RSRC1: variants seen among roughly 807,000 people sequenced by gnomAD.
The protein encoded by RSRC1 is arginine and serine rich coiled-coil 1, also known as serine/Arginine-related protein 53.
A neutral mutation model predicts 49.1 loss-of-function variants in RSRC1; 39 were observed. The ratio of observed to expected loss-of-function variants is 0.79; its 90% confidence interval spans 0.61 to 1.04. The LOEUF (loss-of-function observed/expected upper bound fraction) is 1.04, where lower values mean the gene tolerates loss of function less well. RSRC1 is among the 50% of genes least tolerant of loss of function. The pLI, the probability that RSRC1 is intolerant of heterozygous loss-of-function variation, is 0.00. For synonymous variants in RSRC1, 143 were observed against 130.8 expected (o/e 1.09, Z -0.63); for missense variants, 388 against 402.4 (o/e 0.96, Z 0.31).
chr3:158,373,708 T>A (rs1454460275), intron 6 of RSRC1, among the ~76,000 whole-genome samples: 1 of 152,006 alleles, frequency 6.6e-6, no homozygotes, highest in Non-Finnish European at 1.5e-5. Flanking sequence ...CTATACATAA[T>A]TCCTTACAGG....
intron 4 of RSRC1, among the ~76,000 whole-genome samples, chr3:158,207,274 T>A (rs1721393020): frequency 6.6e-6 from 1 of 152,224 alleles, no homozygotes; most frequent in South Asian, 2.1e-4. Context: ...TGTTTTTCCC[T>A]GATCAGCCCA....
intron 6 of RSRC1, among the ~76,000 whole-genome samples, chr3:158,358,731 C>T (rs1578383464): frequency 6.6e-6 from 1 of 152,134 alleles, no homozygotes; most frequent in Non-Finnish European, 1.5e-5. Flanking sequence ...CAGAGTGAAA[C>T]CGCTTACCTA....
rs1162751575 is a variant in RSRC1, at chr3:158,544,548, CA to C, written c.*274del. 4.4e-6 allele frequency: 1 copy of C among 225,758 alleles called. No homozygotes were observed. Among genetic ancestry groups the C allele is most frequent in the African/African-American group, 2.3e-5 (1 of 43,716 alleles). The allele number at this position is 225,758 out of a possible 1,614,324, so 14.0% of individuals were successfully genotyped here. Reference sequence around the variant, plus strand: ...TAAGTCTGTTAAAATGAATGGTAGACACTAGTGTTTCTTAGTGCAATTCAAA... The same window carrying C: ...TAAGTCTGTTAAAATGAATGGTAGACCTAGTGTTTCTTAGTGCAATTCAAA... On this transcript the variant is annotated 3_prime_UTR_variant, in exon 10 of 10. Coordinates refer to ENST00000611884, the MANE Select transcript of RSRC1 (RefSeq NM_001271838.2).
At chr3:158,227,321 C>T (rs1162910088) in intron 4 of RSRC1, among the ~76,000 whole-genome samples, 2 of 151,876 alleles carry the variant, frequency 1.3e-5, no homozygotes, top group African/African-American at 4.8e-5. Context: ...CAAGATTAGA[C>T]GAGTGGTTTT....
chr3:158,338,945 G>C (rs1024209121), intron 5 of RSRC1, among the ~76,000 whole-genome samples: 1 of 152,146 alleles, frequency 6.6e-6, no homozygotes, highest in African/African-American at 2.4e-5. Flanking sequence ...TGTTTAGCAT[G>C]GGATCTCGAA....
chr3:158,544,027 AATAG>A (rs1342559632), intron 9 of RSRC1, among the ~76,000 whole-genome samples, 152 bp from the exon 10 acceptor site: 1 of 152,226 alleles, frequency 6.6e-6, no homozygotes, highest in African/African-American at 2.4e-5. Flanking sequence ...ACTAATTCCA[AATAG>A]ATAGTCATCA....
chr3:158,347,310 G>A (rs1241166562), intron 5 of RSRC1, among the ~76,000 whole-genome samples: 4 of 151,956 alleles, frequency 2.6e-5, no homozygotes, highest in East Asian at 1.9e-4. Context: ...AATAAATTTC[G>A]GTTGATTGAA....
intron 6 of RSRC1, among the ~76,000 whole-genome samples, chr3:158,370,976 G>C (rs1732039928): frequency 6.6e-6 from 1 of 151,630 alleles, no homozygotes; most frequent in Admixed American, 6.6e-5. Context: ...TTTAATTTTT[G>C]CCATTTTATT....
chr3:158,229,856 T>C lies in RSRC1; in HGVS notation c.494+26611T>C, dbSNP rs867512786. Among the ~76,000 whole-genome samples, 3 of 152,046 alleles carry C rather than the reference T, an allele frequency of 2.0e-5. No individual in the cohort carries two copies. The South Asian group carries it at 6.2e-4, about 31-fold the overall frequency. ...GGCACCAGTCTCTTTAGCCCTAATA[T>C]TTCTGTGTAAGAATTTTTTACATAG... On this transcript the variant is annotated intron_variant, in intron 4 of 9. Coordinates refer to ENST00000611884, the MANE Select transcript of RSRC1 (RefSeq NM_001271838.2).
intron 6 of RSRC1, among the ~76,000 whole-genome samples, chr3:158,452,365 C>G (rs1319202787): frequency 2.6e-5 from 4 of 152,116 alleles, no homozygotes; most frequent in Admixed American, 6.6e-5. Context: ...ATCTTTTTTA[C>G]TCACACTGAT....
At chr3:158,246,988 A>T (rs1723937321) in intron 4 of RSRC1, among the ~76,000 whole-genome samples, 2 of 151,432 alleles carry the variant, frequency 1.3e-5, no homozygotes, top group East Asian at 2.0e-4. Context: ...AACTTGTTCC[A>T]TTCTCTCCCT....
intron 7 of RSRC1, among the ~76,000 whole-genome samples, chr3:158,478,212 A>G (rs994080718): frequency 3.3e-5 from 5 of 151,440 alleles, no homozygotes; most frequent in Non-Finnish European, 7.4e-5. Flanking sequence ...ATCATTTTAC[A>G]CTGTTAGACC....
chr3:158,347,205 A>G (rs1428491088), intron 5 of RSRC1, among the ~76,000 whole-genome samples: 1 of 152,182 alleles, frequency 6.6e-6, no homozygotes, highest in Non-Finnish European at 1.5e-5. Flanking sequence ...CCTTGAAGTC[A>G]GGAACTATAT....
At chr3:158,111,178 G>A (rs956683014) in intron 1 of RSRC1, among the ~76,000 whole-genome samples, 4 of 152,220 alleles carry the variant, frequency 2.6e-5, no homozygotes, top group Non-Finnish European at 5.9e-5. Context: ...TTTGGAGCAG[G>A]TGTGACAGTT....
chr3:158,209,495 A>G, intron 4 of RSRC1, among the ~76,000 whole-genome samples: 1 of 152,090 alleles, frequency 6.6e-6, no homozygotes, highest in South Asian at 2.1e-4. Context: ...ATGCACCAAG[A>G]CACCTACTAA....
intron 7 of RSRC1, among the ~76,000 whole-genome samples, chr3:158,509,630 A>G (rs1000090695): frequency 2.0e-5 from 3 of 152,212 alleles, no homozygotes. Flanking sequence ...ACAAGATATT[A>G]TATTAATATT....
intron 7 of RSRC1, among the ~76,000 whole-genome samples, chr3:158,499,262 A>C (rs375030753): frequency 2.6e-5 from 4 of 152,190 alleles, no homozygotes. Flanking sequence ...CTGTAATCCC[A>C]GCTACTCGGG....
intron 6 of RSRC1, among the ~76,000 whole-genome samples, chr3:158,453,207 C>CACACATTTTCAAACTCT (rs1737139392): frequency 2.3e-5 from 3 of 128,978 alleles, no homozygotes; most frequent in Admixed American, 2.1e-4. Context: ...TTTCAAACTC[C>CACACATTTTCAAACTCT]TGTGCACACA....
intron 6 of RSRC1, among the ~76,000 whole-genome samples, chr3:158,413,588 C>T (rs1013345086): frequency 6.6e-6 from 1 of 151,748 alleles, no homozygotes; most frequent in Non-Finnish European, 1.5e-5. Flanking sequence ...GCAATCTATC[C>T]ATCTGACAGA....
Sources: allele counts gnomAD v4.1 joint callset (sites outside exome capture counted in the v4.1 genomes callset), GRCh38; gene constraint gnomAD v4.1.1; transcripts MANE v1.5; gene names NCBI Gene and HGNC (gene_info 2026-07-23, HGNC 2026-07-21).